CBL: variants seen among roughly 807,000 people sequenced by gnomAD.
The protein encoded by CBL is E3 ubiquitin-protein ligase CBL.
Under a neutral mutation model 96.9 loss-of-function variants are expected in CBL, and 45 were observed. The observed-to-expected ratio is 0.46, with a 90% CI of 0.37 to 0.60. The LOEUF is 0.60. Ranked by LOEUF, CBL falls within the 20% of genes least tolerant of loss-of-function variation. The pLI, the probability that CBL is intolerant of heterozygous loss-of-function variation, is 0.00. For missense variants in CBL, 1,024 were observed against 1,143.5 expected (o/e 0.90, Z 1.51); for synonymous variants, 420 against 426.8 (o/e 0.98, Z 0.20).
chr11:119,225,895 T>G (rs934540041), intron 1 of CBL, among the ~76,000 whole-genome samples: 13 of 151,942 alleles, frequency 8.6e-5, no homozygotes, highest in African/African-American at 2.9e-4. Flanking sequence ...GCTTGGCTAA[T>G]TTTTTGTGTT....
chr11:119,260,937 TAC>T (rs1430177574), intron 2 of CBL, among the ~76,000 whole-genome samples: 1 of 138,186 alleles, frequency 7.2e-6, no homozygotes, highest in Non-Finnish European at 1.5e-5. Context: ...GTTAAATCTC[TAC>T]TTTTTTTTTT....
Position 119,306,213 on chromosome 11 carries a change from G to A in CBL, c.*6432G>A, listed in dbSNP as rs1398139570. ...GCTGTTGACAGACAGACTAAGCTGT[G>A]TGGTGCTCTTGCCGCCCCTTCCTGG... On this transcript the variant is annotated 3_prime_UTR_variant, in exon 16 of 16. Coordinates refer to ENST00000264033, the MANE Select transcript of CBL (RefSeq NM_005188.4). The A allele has an allele frequency of 2.5e-6, 1 of 398,470 alleles. No individual in the cohort carries two copies. The highest frequency in any genetic ancestry group is 4.4e-6 in the Non-Finnish European group (1 of 226,038). 24.7% of individuals were successfully genotyped at this position (398,470 alleles called of 1,614,324 possible).
rs1950137162 is a variant in CBL at position 119,305,973 on chromosome 11, T to C, written c.*6192T>C. 2 of 304,764 alleles carry C rather than the reference T, an allele frequency of 6.6e-6. No homozygotes were observed. The highest frequency in any genetic ancestry group is 9.8e-5 in the East Asian group (2 of 20,508). The allele number at this position is 304,764 out of a possible 1,614,324, so 18.9% of individuals were successfully genotyped here. A position where few individuals can be genotyped will look rare whatever the true frequency, so the allele number is the denominator to read the frequency against. ...GGGTCATCAGACTTTGCCTTTGATGTTGTAGACTAGGCTCCTGAGTTAAGC... is the reference window on the plus strand; with the variant it reads ...GGGTCATCAGACTTTGCCTTTGATGCTGTAGACTAGGCTCCTGAGTTAAGC... On this transcript the variant is annotated 3_prime_UTR_variant, in exon 16 of 16. Transcript: ENST00000264033.
chr11:119,214,114 T>G (rs1949339297), intron 1 of CBL, among the ~76,000 whole-genome samples: 1 of 152,006 alleles, frequency 6.6e-6, no homozygotes, highest in Admixed American at 6.6e-5. Context: ...CCGGCTAATT[T>G]TTGTATTTTT....
chr11:119,242,409 G>A lies in CBL; in HGVS notation c.443+9714G>A, dbSNP rs757554775. Among the ~76,000 whole-genome samples the A allele has an allele frequency of 4.2e-4, 63 of 151,792 alleles. 2 individuals are homozygous for A. Among genetic ancestry groups the A allele is most frequent in the Admixed American group, 2.6e-3 (40 of 15,204 alleles). On this transcript the variant is annotated intron_variant, in intron 2 of 15. Coordinates refer to ENST00000264033, the MANE Select transcript of CBL (RefSeq NM_005188.4). ...CAAAATCAGCTGGGCATGGTGGCGG[G>A]TACCTGTAATCCAAGCTACTCAGGA...
chr11:119,285,239 A>C lies in CBL; in HGVS notation c.1614A>C (p.Thr538=). Residue 538 remains threonine (T), a synonymous_variant, in exon 11 of 16, where the codon ACA becomes ACC. Coordinates refer to ENST00000264033, the MANE Select transcript of CBL (RefSeq NM_005188.4). ...ACAAACCATTGCCAGTACCTCCCAC[A>C]CTTCGAGATCTTCCACCACCACCGC... is the stretch of plus-strand genomic sequence containing the variant. ...HKDKPLPVPP[T]LRDLPPPPPP... The C allele has an allele frequency of 6.2e-7, 1 of 1,613,978 alleles. No homozygotes were observed. The highest frequency in any genetic ancestry group is 8.5e-7 in the Non-Finnish European group (1 of 1,179,990).
rs530730309 is a variant in CBL, at chr11:119,301,487, G to T, written c.*1706G>T. 36 of 187,418 alleles carry T rather than the reference G, an allele frequency of 1.9e-4. No individual in the cohort carries two copies. Among genetic ancestry groups the T allele is most frequent in the Non-Finnish European group, 3.3e-4 (32 of 97,754 alleles). 11.6% of individuals were successfully genotyped at this position (187,418 alleles called of 1,614,324 possible). A position where few individuals can be genotyped will look rare whatever the true frequency, so the allele number is the denominator to read the frequency against. ...TCCTGAAAATCTAAATCATGCTTTT[G>T]TCTTTAGATCTACACAGAAATGACC... On this transcript the variant is annotated 3_prime_UTR_variant, in exon 16 of 16. Coordinates refer to ENST00000264033, the MANE Select transcript of CBL (RefSeq NM_005188.4).
chr11:119,264,387 T>TC (rs748376338), intron 2 of CBL, among the ~76,000 whole-genome samples: 3,728 of 131,446 alleles, frequency 0.028, 130 homozygotes, highest in African/African-American at 0.076. Flanking sequence ...CTTTCTTTTC[T>TC]TTTCTCTTCT....
chr11:119,295,792 T>G (rs1950059160), intron 12 of CBL, among the ~76,000 whole-genome samples: 1 of 152,128 alleles, frequency 6.6e-6, no homozygotes, highest in Non-Finnish European at 1.5e-5. Flanking sequence ...GGTGAAAGAA[T>G]TTTACAGTGA....
intron 2 of CBL, among the ~76,000 whole-genome samples, chr11:119,239,919 TGAAAA>T (rs990413833): frequency 5.3e-5 from 8 of 152,230 alleles, no homozygotes; most frequent in South Asian, 4.1e-4. Context: ...GAAAGAATCT[TGAAAA>T]GAAAACTAGT....
At position 119,284,960 on chromosome 11, in the gene CBL, G is replaced by C; in HGVS notation, c.1432-9G>C. 1 of 1,613,970 alleles carries C rather than the reference G, an allele frequency of 6.2e-7. No individual in the cohort carries two copies. The highest frequency in any genetic ancestry group is 8.5e-7 in the Non-Finnish European group (1 of 1,180,006). The stretch of plus-strand genomic sequence containing the variant: ...GAAAGTAATCTGTTAAATTTTTTAT[G>C]TACCCTAGGTGGAACGGCCGCCTTC... On this transcript the variant is annotated splice_polypyrimidine_tract_variant and intron_variant, in intron 9 of 15. Coordinates refer to ENST00000264033, the MANE Select transcript of CBL (RefSeq NM_005188.4).
chr11:119,273,462 T>G (rs1366424191), intron 3 of CBL, among the ~76,000 whole-genome samples: 1 of 152,234 alleles, frequency 6.6e-6, no homozygotes, highest in Admixed American at 6.5e-5. Flanking sequence ...TTTCACTCTG[T>G]TGCCCAGGCT....
At chr11:119,240,055 G>A (rs1949572974) in intron 2 of CBL, among the ~76,000 whole-genome samples, 1 of 152,178 alleles carries the variant, frequency 6.6e-6, no homozygotes, top group Admixed American at 6.5e-5. Flanking sequence ...ACTTTGGGAG[G>A]CTGAGGTGGG....
chr11:119,290,933 C>T (rs1254056803), intron 12 of CBL, among the ~76,000 whole-genome samples: 1 of 152,098 alleles, frequency 6.6e-6, no homozygotes, highest in African/African-American at 2.4e-5. Flanking sequence ...CTGCCTCAGC[C>T]TCCCAAGGTG....
rs186118718 is a variant in CBL, at chr11:119,261,382, A to G, written c.444-10353A>G. Among the ~76,000 whole-genome samples the G allele has an allele frequency of 2.0e-5, 3 of 152,328 alleles. No individual in the cohort carries two copies. The East Asian group carries it at 5.8e-4, about 29-fold the overall frequency. On this transcript the variant is annotated intron_variant, in intron 2 of 15. Transcript: ENST00000264033. ...AGGGAAATGCTATGTTTAAATGGAAATCGATGTCTAAGTTACATACTCAGG... is the reference window on the plus strand; with the variant it reads ...AGGGAAATGCTATGTTTAAATGGAAGTCGATGTCTAAGTTACATACTCAGG...
intron 2 of CBL, among the ~76,000 whole-genome samples, chr11:119,245,007 G>A (rs1312710429): frequency 6.6e-6 from 1 of 151,840 alleles, no homozygotes; most frequent in Non-Finnish European, 1.5e-5. Flanking sequence ...AAGTAGCTGG[G>A]ACTACAGGCA....
At chr11:119,241,778 A>C (rs139402316) in intron 2 of CBL, among the ~76,000 whole-genome samples, 53 of 152,338 alleles carry the variant, frequency 3.5e-4, no homozygotes, top group Non-Finnish European at 7.2e-4. Context: ...GGACAGCAAC[A>C]TGGGTCCTGA....
rs566834375 is a variant in CBL, at chr11:119,278,062, A to G, written c.1096-104A>G. 47 of 1,073,308 alleles carry G rather than the reference A, an allele frequency of 4.4e-5. 1 individual carries two copies. The South Asian group carries it at 4.9e-4, about 11-fold the overall frequency. 66.5% of individuals were successfully genotyped at this position (1,073,308 alleles called of 1,614,324 possible). Reference sequence around the variant, plus strand: ...TAAACCACTGTTGTGACATTTTTATATAAGCAAAATTTGTATAGGAAACAA... The same window carrying G: ...TAAACCACTGTTGTGACATTTTTATGTAAGCAAAATTTGTATAGGAAACAA... On this transcript the variant is annotated intron_variant, in intron 7 of 15. Coordinates refer to ENST00000264033, the MANE Select transcript of CBL (RefSeq NM_005188.4).
rs1349334803 is a variant in CBL, at chr11:119,305,466, C to A, written c.*5685C>A. 4.3e-6 allele frequency: 1 copy of A among 230,920 alleles called. No homozygotes were observed. Among genetic ancestry groups the A allele is most frequent in the African/African-American group, 2.2e-5 (1 of 45,170 alleles). 14.3% of individuals were successfully genotyped at this position (230,920 alleles called of 1,614,324 possible). On this transcript the variant is annotated 3_prime_UTR_variant, in exon 16 of 16. Coordinates refer to ENST00000264033, the MANE Select transcript of CBL (RefSeq NM_005188.4). ...TCAGGTTTGAGTGCTTGAAAATGTT[C>A]ATTCTCTGGGCTTGTGGCCTGTCTC...
Sources: gnomAD v4.1 joint callset for allele counts (sites outside exome capture counted in the v4.1 genomes callset) on GRCh38, gnomAD v4.1.1 for gene constraint, MANE v1.5 for transcripts, NCBI Gene and HGNC (gene_info 2026-07-23, HGNC 2026-07-21) for gene names.